The following STAT4 variants were observed in gnomAD, a reference collection of about 807,000 sequenced individuals.
STAT4 encodes signal transducer and activator of transcription 4.
A neutral mutation model predicts 110.5 loss-of-function variants in STAT4; 42 were observed. The observed-to-expected ratio is 0.38, with a 90% CI of 0.30 to 0.49. STAT4 has a LOEUF of 0.49. Ranked by LOEUF, STAT4 falls within the 20% of genes least tolerant of loss-of-function variation. The probability of loss-of-function intolerance (pLI) is 0.95; values close to 1 mark genes in which losing one functional copy is unlikely to be tolerated. For synonymous variants in STAT4, 284 were observed against 302.2 expected, an observed-to-expected ratio of 0.94 and a Z score of 0.63; for missense variants, 632 against 887.9, an observed-to-expected ratio of 0.71 and a Z score of 3.66.
chr2:191,067,542 A>C lies in STAT4; in HGVS notation c.545-1027T>G, dbSNP rs924802230. 3.3e-5 allele frequency among the ~76,000 whole-genome samples: 5 copies of C among 152,148 alleles called. No individual in the cohort carries two copies. The South Asian group carries it at 1.0e-3, about 31-fold the overall frequency. On this transcript the variant is annotated intron_variant, in intron 6 of 23. Coordinates refer to ENST00000392320, the MANE Select transcript of STAT4 (RefSeq NM_003151.4). ...AGTTCTCCAAGAATACTATTTATTA[A>C]CCACTGCCTGAGCATTGGGTCCATT...
At chr2:191,065,222 G>A (rs3024850) in intron 7 of STAT4, among the ~76,000 whole-genome samples, 6,275 of 152,006 alleles carry the variant, frequency 0.041, 137 homozygotes, top group Middle Eastern at 0.065. Context: ...TAACTCCTGC[G>A]GCAACAATAT....
chr2:191,058,651 T>C lies in STAT4; in HGVS notation c.1094+59A>G. 9.8e-7 allele frequency: 1 copy of C among 1,019,592 alleles called. No individual in the cohort carries two copies. Among genetic ancestry groups the C allele is most frequent in the Non-Finnish European group, 1.5e-6 (1 of 670,732 alleles). The allele number at this position is 1,019,592 out of a possible 1,614,324, so 63.2% of individuals were successfully genotyped here. On this transcript the variant is annotated intron_variant, in intron 11 of 23. Coordinates refer to ENST00000392320, the MANE Select transcript of STAT4 (RefSeq NM_003151.4). The surrounding 1 kb of genome is among the most constrained non-coding windows in gnomAD (Gnocchi z 4.3). ...AAATTATTCTATAAAATAAAGGCCA[T>C]TCATTTTTAAAAGTCTTACATTTGG...
chr2:191,137,215 C>CGCCTGTAGTCCCA lies in STAT4; in HGVS notation c.273+9385_273+9397dup, dbSNP rs1699203976. Among the ~76,000 whole-genome samples, 4 of 151,780 alleles carry CGCCTGTAGTCCCA rather than the reference C, an allele frequency of 2.6e-5. No homozygotes were observed. The South Asian group carries it at 8.3e-4, about 32-fold the overall frequency. Reference sequence around the variant, plus strand: ...AACATTAGCCAGGCATGGTGGCACACGCCTGTAGTCCCAGCTACTCTTCTC... The same window carrying CGCCTGTAGTCCCA: ...AACATTAGCCAGGCATGGTGGCACACGCCTGTAGTCCCAGCCTGTAGTCCCAGCTACTCTTCTC... On this transcript the variant is annotated intron_variant, in intron 3 of 23. Transcript: ENST00000392320.
chr2:191,048,798 A>C (rs1169682457), intron 14 of STAT4, among the ~76,000 whole-genome samples: 6 of 148,892 alleles, frequency 4.0e-5, no homozygotes, highest in African/African-American at 1.5e-4. Flanking sequence ...CAAAAAAAAA[A>C]AAAAAAAAAA....
chr2:191,095,304 A>G (rs1697938169), intron 3 of STAT4, among the ~76,000 whole-genome samples: 1 of 152,228 alleles, frequency 6.6e-6, no homozygotes, highest in African/African-American at 2.4e-5. Context: ...AACCAACAGA[A>G]TATACATTCT....
chr2:191,147,988 G>C lies in STAT4; in HGVS notation c.128+88C>G. ...TACCTGAAAAGAATGCATCTACTGA[G>C]TAAAAAGTGGACCATAAAATAAATT... On this transcript the variant is annotated intron_variant, in intron 2 of 23. Transcript: ENST00000392320. The surrounding 1 kb of genome is among the most constrained non-coding windows in gnomAD (Gnocchi z 4.1). The C allele has an allele frequency of 1.3e-6, 2 of 1,570,528 alleles. No individual in the cohort carries two copies. Among genetic ancestry groups the C allele is most frequent in the Middle Eastern group, 1.7e-4 (1 of 5,932 alleles).
At position 191,037,158 on chromosome 2, in the gene STAT4, C is replaced by T. The variant is rs568973711; in HGVS notation, c.1435-859G>A. Among the ~76,000 whole-genome samples the T allele has an allele frequency of 1.2e-4, 19 of 152,256 alleles. No individual in the cohort carries two copies. The highest frequency in any genetic ancestry group is 7.7e-4 in the East Asian group (4 of 5,172). ...ATATCATATTATTTAATTGGTTTAT[C>T]GTGGGGTTGGCACAAATTTTACCTT... On this transcript the variant is annotated intron_variant, in intron 16 of 23. Transcript: ENST00000392320. This position sits in a 1 kb window ranked among gnomAD's most constrained non-coding sequence, Gnocchi z 4.8.
Position 191,042,826 on chromosome 2 carries a change from CTGGAGTGCAG to C in STAT4, c.1252-1688_1252-1679del, listed in dbSNP as rs373937653. Among the ~76,000 whole-genome samples the C allele has an allele frequency of 5.4e-3, 821 of 151,368 alleles. 6 individuals carry two copies. The highest frequency in any genetic ancestry group is 0.019 in the African/African-American group (779 of 41,146). On this transcript the variant is annotated intron_variant, in intron 14 of 23. Transcript: ENST00000392320. This position sits in a 1 kb window ranked among gnomAD's most constrained non-coding sequence, Gnocchi z 4.2. ...TGCAGTTTTGCTCTTGTTGCCCAGG[CTGGAGTGCAG>C]TGGCACAATCTCGGCTCACTGCAAC...
chr2:191,117,810 CA>C lies in STAT4; in HGVS notation c.273+28802del, dbSNP rs1291141685. ...CCCTGAATCCTACCTCTCCGAGCCA[CA>C]TTCCCAAATTCCACCTTTGACCTAT... On this transcript the variant is annotated intron_variant, in intron 3 of 23. Transcript: ENST00000392320. This position sits in a 1 kb window ranked among gnomAD's most constrained non-coding sequence, Gnocchi z 5.2. Among the ~76,000 whole-genome samples the C allele has an allele frequency of 2.0e-5, 3 of 152,200 alleles. No homozygotes were observed. The highest frequency in any genetic ancestry group is 4.4e-5 in the Non-Finnish European group (3 of 68,036).
In STAT4 at chr2:191,076,197, TAAC is replaced by T. The variant is rs915758099; in HGVS notation, c.372+27_372+29del. 3 of 1,578,084 alleles carry T rather than the reference TAAC, an allele frequency of 1.9e-6. No individual in the cohort carries two copies. In the African/African-American group the frequency reaches 4.1e-5, roughly 21 times the overall value. On this transcript the variant is annotated intron_variant, in intron 4 of 23. Coordinates refer to ENST00000392320, the MANE Select transcript of STAT4 (RefSeq NM_003151.4). The stretch of plus-strand genomic sequence containing the variant: ...TTCAGAAAAATTGAGTTCAAGGTGA[TAAC>T]AAGATCACAAGGTCAGAAAATATTA...
intron 3 of STAT4, among the ~76,000 whole-genome samples, chr2:191,122,448 A>T (rs1214220765): frequency 6.6e-6 from 1 of 152,048 alleles, no homozygotes; most frequent in African/African-American, 2.4e-5. Flanking sequence ...TGTGGCAGCA[A>T]CTCCTAAATC....
Position 191,110,548 on chromosome 2 carries a change from G to C in STAT4, c.274-34223C>G, listed in dbSNP as rs1698396636. On this transcript the variant is annotated intron_variant, in intron 3 of 23. Coordinates refer to ENST00000392320, the MANE Select transcript of STAT4 (RefSeq NM_003151.4). The surrounding 1 kb of genome is among the most constrained non-coding windows in gnomAD (Gnocchi z 4.5). The stretch of plus-strand genomic sequence containing the variant: ...TATCTCTAACACACCATTTGGAGCT[G>C]GGTGTCATACTAATTCCAATCTGAA... Among the ~76,000 whole-genome samples the C allele has an allele frequency of 6.6e-6, 1 of 152,060 alleles. No homozygotes were observed. The highest frequency in any genetic ancestry group is 1.5e-5 in the Non-Finnish European group (1 of 67,994).
At chr2:191,085,863 A>C (rs1005291756) in intron 3 of STAT4, among the ~76,000 whole-genome samples, 4 of 152,176 alleles carry the variant, frequency 2.6e-5, no homozygotes, top group Non-Finnish European at 5.9e-5. Context: ...TAATTTTATT[A>C]CTTTTTTTGT....
chr2:191,098,498 C>A (rs1262652882), intron 3 of STAT4, among the ~76,000 whole-genome samples: 2 of 151,962 alleles, frequency 1.3e-5, no homozygotes, highest in Non-Finnish European at 1.5e-5. Context: ...TCATTCTGAG[C>A]AAACCAGCAC....
intron 4 of STAT4, among the ~76,000 whole-genome samples, chr2:191,073,676 C>G (rs555442874): frequency 8.8e-4 from 129 of 146,338 alleles, no homozygotes; most frequent in Admixed American, 3.0e-3. Flanking sequence ...GGCGACAGAG[C>G]GAGACTCCGT....
chr2:191,076,035 T>C (rs1697308454), intron 4 of STAT4, 192 bp downstream of exon 4: 2 of 517,406 alleles, frequency 3.9e-6, no homozygotes, highest in Non-Finnish European at 6.9e-6. Context: ...TTTTTTTTTT[T>C]TGGAGACAGG....
At chr2:191,127,230 A>C (rs982246845) in intron 3 of STAT4, among the ~76,000 whole-genome samples, 3 of 152,226 alleles carry the variant, frequency 2.0e-5, no homozygotes, top group African/African-American at 2.4e-5. Context: ...ATATTTTTCA[A>C]TAAAAACATA....
chr2:191,091,894 A>G lies in STAT4; in HGVS notation c.274-15569T>C, dbSNP rs1343423569. Among the ~76,000 whole-genome samples, 1 of 152,208 alleles carries G rather than the reference A, an allele frequency of 6.6e-6. No homozygotes were observed. Among genetic ancestry groups the G allele is most frequent in the Non-Finnish European group, 1.5e-5 (1 of 68,038 alleles). ...CTGAAGGGAGGAGAACTTGTCTTATAATATATTGAAATATACCATAAGGTC... is the reference window on the plus strand; with the variant it reads ...CTGAAGGGAGGAGAACTTGTCTTATGATATATTGAAATATACCATAAGGTC... On this transcript the variant is annotated intron_variant, in intron 3 of 23. Transcript: ENST00000392320. The surrounding 1 kb of genome is among the most constrained non-coding windows in gnomAD (Gnocchi z 5.4).
Position 191,058,008 on chromosome 2 carries a change from C to A in STAT4, c.1206+10G>T. The A allele has an allele frequency of 6.2e-7, 1 of 1,612,056 alleles. No homozygotes were observed. Among genetic ancestry groups the A allele is most frequent in the South Asian group, 1.1e-5 (1 of 91,020 alleles). On this transcript the variant is annotated intron_variant, in intron 13 of 23. Coordinates refer to ENST00000392320, the MANE Select transcript of STAT4 (RefSeq NM_003151.4). This position sits in a 1 kb window ranked among gnomAD's most constrained non-coding sequence, Gnocchi z 4.3. ...AAAAAAAGCCTGTTTAACTTTACTG[C>A]CAAACTTACCAAATGTCGAAATTCT... is the stretch of plus-strand genomic sequence containing the variant.
Sources: allele counts gnomAD v4.1 joint callset (sites outside exome capture counted in the v4.1 genomes callset), GRCh38; gene constraint gnomAD v4.1.1; non-coding constraint Gnocchi (gnomAD v3.1); transcripts MANE v1.5; gene names NCBI Gene and HGNC (gene_info 2026-07-23, HGNC 2026-07-21).